Variants in BCAS3 observed in about 807,000 individuals in gnomAD.
BCAS3 encodes BCAS3 microtubule associated cell migration factor.
A neutral mutation model predicts 116.1 loss-of-function variants in BCAS3; 53 were observed. The observed-to-expected ratio is 0.46, with a 90% CI of 0.37 to 0.57. The LOEUF is 0.57. BCAS3 is among the 20% of genes least tolerant of loss of function. The pLI, the probability that BCAS3 is intolerant of heterozygous loss-of-function variation, is 0.00. For synonymous variants in BCAS3, 391 were observed against 408.2 expected (o/e 0.96, Z 0.51); for missense variants, 917 against 1,165.4 (o/e 0.79, Z 3.10).
chr17:60,810,803 T>G (rs2048738116), intron 7 of BCAS3: 1 of 671,964 alleles, frequency 1.5e-6, no homozygotes, highest in Non-Finnish European at 2.8e-6. Flanking sequence ...CTGCTCTTCC[T>G]GAAGAAAAAC....
intron 6 of BCAS3, among the ~76,000 whole-genome samples, chr17:60,797,844 C>T (rs1020688895): frequency 7.9e-5 from 12 of 152,058 alleles, no homozygotes; most frequent in African/African-American, 2.9e-4. Flanking sequence ...TAGAGTTTCC[C>T]AGCCTGGGCA....
At chr17:61,389,273 C>T (rs555483138) in intron 23 of BCAS3, 2 of 151,668 alleles carry the variant, frequency 1.3e-5, no homozygotes, top group African/African-American at 5.1e-5. Context: ...AACACAGGCC[C>T]AGAGGCCTAG....
intron 6 of BCAS3, among the ~76,000 whole-genome samples, chr17:60,754,310 A>G (rs557064415): frequency 1.3e-5 from 2 of 152,182 alleles, no homozygotes; most frequent in East Asian, 3.9e-4. Context: ...GGCCCAAGTG[A>G]TCCCCCTTCC....
In BCAS3 at chr17:60,961,604, T is replaced by C. The variant is rs1292302530; in HGVS notation, c.1221+14252T>C. 6.6e-6 allele frequency among the ~76,000 whole-genome samples: 1 copy of C among 152,176 alleles called. No homozygotes were observed. Among genetic ancestry groups the C allele is most frequent in the African/African-American group, 2.4e-5 (1 of 41,466 alleles). ...ATACCATATCAAATTTCTCCTTTTTTATACTTAAAAAAATATACATATAAA... is the reference window on the plus strand; with the variant it reads ...ATACCATATCAAATTTCTCCTTTTTCATACTTAAAAAAATATACATATAAA... On this transcript the variant is annotated intron_variant, in intron 14 of 23. Coordinates refer to ENST00000407086, the MANE Select transcript of BCAS3 (RefSeq NM_017679.5). This position sits in a 1 kb window ranked among gnomAD's most constrained non-coding sequence, Gnocchi z 4.8.
At chr17:60,768,612 A>G (rs965463698) in intron 6 of BCAS3, among the ~76,000 whole-genome samples, 2 of 152,074 alleles carry the variant, frequency 1.3e-5, no homozygotes, top group East Asian at 1.9e-4. Flanking sequence ...TTATATATCT[A>G]TCTATCTCCT....
At chr17:61,311,906 A>G (rs536430591) in intron 22 of BCAS3, among the ~76,000 whole-genome samples, 328 of 79,644 alleles carry the variant, frequency 4.1e-3, no homozygotes, top group African/African-American at 7.1e-3. Flanking sequence ...AAAAAAGCAT[A>G]TATATATATG....
rs2076316494 is a variant in BCAS3, at chr17:61,131,107, T to C, written c.2425+46543T>C. On this transcript the variant is annotated intron_variant, in intron 22 of 23. Coordinates refer to ENST00000407086, the MANE Select transcript of BCAS3 (RefSeq NM_017679.5). This position sits in a 1 kb window ranked among gnomAD's most constrained non-coding sequence, Gnocchi z 4.4. ...GAGACCTAGGTTCTAGAGTAAACTC[T>C]GCCACTACCTAGCTAGGTTGACCTT... 6.6e-6 allele frequency among the ~76,000 whole-genome samples: 1 copy of C among 152,190 alleles called. No individual in the cohort carries two copies. The highest frequency in any genetic ancestry group is 1.5e-5 in the Non-Finnish European group (1 of 68,032).
intron 6 of BCAS3, among the ~76,000 whole-genome samples, chr17:60,761,833 G>T (rs1449187991): frequency 2.2e-5 from 3 of 137,276 alleles, no homozygotes; most frequent in Non-Finnish European, 4.4e-5. Flanking sequence ...CAGTGTAAAA[G>T]TGTTCCTATT....
chr17:61,322,866 G>C (rs201565905), intron 22 of BCAS3, among the ~76,000 whole-genome samples: 18 of 146,930 alleles, frequency 1.2e-4, no homozygotes, highest in African/African-American at 3.2e-4. Context: ...CAGAGAGAGA[G>C]AGAGAGAGAG....
At chr17:60,975,587 A>T (rs552501165) in intron 14 of BCAS3, among the ~76,000 whole-genome samples, 1 of 152,296 alleles carries the variant, frequency 6.6e-6, no homozygotes, top group East Asian at 1.9e-4. Flanking sequence ...TATAATGTAC[A>T]ATTCAGTAGT....
At chr17:60,737,341 G>A (rs2041086621) in intron 5 of BCAS3, among the ~76,000 whole-genome samples, 1 of 152,112 alleles carries the variant, frequency 6.6e-6, no homozygotes, top group Non-Finnish European at 1.5e-5. Flanking sequence ...CAAAGAACCA[G>A]CTTTTGGTTT....
intron 22 of BCAS3, among the ~76,000 whole-genome samples, chr17:61,310,756 A>G (rs1488878407): frequency 6.6e-6 from 1 of 152,152 alleles, no homozygotes; most frequent in Non-Finnish European, 1.5e-5. Flanking sequence ...ATCTAGTGCT[A>G]GAGACTGATG....
At position 61,243,254 on chromosome 17, in the gene BCAS3, G is replaced by A. The variant is rs1250051640; in HGVS notation, c.2426-125073G>A. Reference sequence around the variant, plus strand: ...TACACTGTGATGAGTATGGAGATACGTATATACCTATCCATCACCTCCAAA... The same window carrying A: ...TACACTGTGATGAGTATGGAGATACATATATACCTATCCATCACCTCCAAA... On this transcript the variant is annotated intron_variant, in intron 22 of 23. Coordinates refer to ENST00000407086, the MANE Select transcript of BCAS3 (RefSeq NM_017679.5). This position sits in a 1 kb window ranked among gnomAD's most constrained non-coding sequence, Gnocchi z 5.6. Among the ~76,000 whole-genome samples the A allele has an allele frequency of 6.6e-6, 1 of 152,194 alleles. No individual in the cohort carries two copies. The highest frequency in any genetic ancestry group is 1.5e-5 in the Non-Finnish European group (1 of 68,028).
chr17:61,218,309 G>A (rs775682111), intron 22 of BCAS3, among the ~76,000 whole-genome samples: 26 of 152,086 alleles, frequency 1.7e-4, no homozygotes, highest in Admixed American at 4.6e-4. Context: ...ACTGAAGACC[G>A]AATTCTCCTA....
chr17:61,271,825 G>A (rs1334547833), intron 22 of BCAS3, among the ~76,000 whole-genome samples: 1 of 151,728 alleles, frequency 6.6e-6, no homozygotes. Context: ...GTTTTGTTTT[G>A]TTTGAACAAG....
At chr17:60,973,206 G>A (rs1458171142) in intron 14 of BCAS3, among the ~76,000 whole-genome samples, 1 of 151,964 alleles carries the variant, frequency 6.6e-6, no homozygotes, top group African/African-American at 2.4e-5. Flanking sequence ...TCACTTCCCT[G>A]GGCATCATTT....
chr17:60,814,492 A>G (rs1375928174), intron 7 of BCAS3, among the ~76,000 whole-genome samples: 3 of 152,088 alleles, frequency 2.0e-5, no homozygotes, highest in Admixed American at 6.6e-5. Flanking sequence ...GTATATAATC[A>G]TATTGCCAGT....
In BCAS3 at chr17:61,228,533, T is replaced by C. The variant is rs1281402392; in HGVS notation, c.2426-139794T>C. ...TGTAGACATCATTTTTCTAACAGCA[T>C]GTGCTCACTTCGTGTCTCTGTGTCA... On this transcript the variant is annotated intron_variant, in intron 22 of 23. Transcript: ENST00000407086. The surrounding 1 kb of genome is among the most constrained non-coding windows in gnomAD (Gnocchi z 5.0). 1.3e-5 allele frequency among the ~76,000 whole-genome samples: 2 copies of C among 152,226 alleles called. No individual in the cohort carries two copies. Among genetic ancestry groups the C allele is most frequent in the African/African-American group, 4.8e-5 (2 of 41,454 alleles).
chr17:60,724,142 G>C (rs2039560228), intron 5 of BCAS3, among the ~76,000 whole-genome samples: 1 of 151,178 alleles, frequency 6.6e-6, no homozygotes, highest in Non-Finnish European at 1.5e-5. Context: ...TATTCTTCTA[G>C]GCTGGGTGTG....
Sources: gnomAD v4.1 joint callset for allele counts (sites outside exome capture counted in the v4.1 genomes callset) on GRCh38, gnomAD v4.1.1 for gene constraint, Gnocchi (gnomAD v3.1) non-coding constraint, MANE v1.5 for transcripts, NCBI Gene and HGNC (gene_info 2026-07-23, HGNC 2026-07-21) for gene names.